PRKG1: variants seen among roughly 807,000 people sequenced by gnomAD.
PRKG1 encodes the protein protein kinase cGMP-dependent 1, also known as cGMP-dependent protein kinase 1.
PRKG1 carries 35 observed loss-of-function variants against 88.1 expected under a neutral mutation model. That is an observed-to-expected ratio of 0.40 (90% CI 0.30 to 0.53). The LOEUF (loss-of-function observed/expected upper bound fraction) is 0.53. Among genes scored for constraint, PRKG1 ranks in the 20% least tolerant of loss-of-function variants. The probability of loss-of-function intolerance (pLI) is 0.59; values close to 1 mark genes in which losing one functional copy is unlikely to be tolerated. For missense variants in PRKG1, 540 were observed against 839.8 expected, an observed-to-expected ratio of 0.64 and a Z score of 4.41; for synonymous variants, 303 against 292.5, an observed-to-expected ratio of 1.04 and a Z score of -0.37.
At chr10:51,001,707 CCCT>C (rs1842891524) in intron 1 of PRKG1, among the ~76,000 whole-genome samples, 1 of 151,970 alleles carries the variant, frequency 6.6e-6, no homozygotes, top group South Asian at 2.1e-4. Context: ...AGTAGAAGTA[CCCT>C]CCTAAATGTA....
intron 3 of PRKG1, among the ~76,000 whole-genome samples, chr10:51,623,586 T>C (rs1839262710): frequency 6.6e-6 from 1 of 152,322 alleles, no homozygotes; most frequent in Non-Finnish European, 1.5e-5. Flanking sequence ...ATGTTACTTT[T>C]CATTTTTTAT....
chr10:51,699,395 T>C (rs1327844341), intron 3 of PRKG1: 1 of 1,614,052 alleles, frequency 6.2e-7, no homozygotes, highest in Non-Finnish European at 8.5e-7. Context: ...TTTTCCCGTC[T>C]CTCTATCGTA....
chr10:52,254,102 G>T (rs1417900485), intron 10 of PRKG1, among the ~76,000 whole-genome samples: 1 of 151,962 alleles, frequency 6.6e-6, no homozygotes, highest in Admixed American at 6.6e-5. Flanking sequence ...ATTCAATGAT[G>T]CTGGAATTGG....
At chr10:51,272,335 C>T (rs1030720724) in intron 2 of PRKG1, among the ~76,000 whole-genome samples, 1 of 147,476 alleles carries the variant, frequency 6.8e-6, no homozygotes, top group East Asian at 2.0e-4. Flanking sequence ...GGGAGGGGAA[C>T]ATCACACACT....
intron 1 of PRKG1, among the ~76,000 whole-genome samples, chr10:51,008,630 T>TCAATTTGGGGCC (rs1186451392): frequency 2.0e-5 from 3 of 152,184 alleles, no homozygotes; most frequent in Non-Finnish European, 4.4e-5. Context: ...TACTAGTCAT[T>TCAATTTGGGGCC]CAATTTGGGG....
intron 2 of PRKG1, among the ~76,000 whole-genome samples, chr10:51,157,459 G>T (rs914198774): frequency 1.3e-5 from 2 of 151,860 alleles, no homozygotes; most frequent in East Asian, 3.9e-4. Flanking sequence ...CCTTAATTAT[G>T]AGGTAGCATG....
intron 1 of PRKG1, among the ~76,000 whole-genome samples, chr10:51,060,663 A>G (rs1440949784): frequency 1.3e-5 from 2 of 152,092 alleles, no homozygotes; most frequent in African/African-American, 4.8e-5. Flanking sequence ...ATTTATATAC[A>G]TTTACCCTCA....
At chr10:51,663,920 AT>A (rs1462637506) in intron 3 of PRKG1, among the ~76,000 whole-genome samples, 3 of 152,074 alleles carry the variant, frequency 2.0e-5, no homozygotes, top group Non-Finnish European at 4.4e-5. Flanking sequence ...AAAATTTAAC[AT>A]TTATGATTCT....
Position 51,895,149 on chromosome 10 carries a change from G to A in PRKG1, c.699-12358G>A, listed in dbSNP as rs111231411. Among the ~76,000 whole-genome samples, 496 of 152,270 alleles carry A rather than the reference G, an allele frequency of 3.3e-3. 1 individual carries two copies. Among genetic ancestry groups the A allele is most frequent in the African/African-American group, 0.011 (474 of 41,550 alleles). On this transcript the variant is annotated intron_variant, in intron 4 of 17. Transcript: ENST00000373980. ...CTTATTGAATGAATGGAGAGGTGTCGAAGAATTGAGTTTCCATGAGAAAAG... is the reference window on the plus strand; with the variant it reads ...CTTATTGAATGAATGGAGAGGTGTCAAAGAATTGAGTTTCCATGAGAAAAG...
At chr10:52,081,531 C>A (rs1846775160) in intron 7 of PRKG1, 1 of 453,180 alleles carries the variant, frequency 2.2e-6, no homozygotes, top group African/African-American at 2.0e-5. Flanking sequence ...AATTCTATAA[C>A]ATATCTTAAT....
At chr10:51,162,035 T>C (rs1846376923) in intron 2 of PRKG1, among the ~76,000 whole-genome samples, 1 of 152,224 alleles carries the variant, frequency 6.6e-6, no homozygotes, top group Non-Finnish European at 1.5e-5. Context: ...CACATAGATA[T>C]ATTTCTTCAG....
At chr10:51,868,652 C>A (rs1396613664) in intron 4 of PRKG1, among the ~76,000 whole-genome samples, 1 of 152,012 alleles carries the variant, frequency 6.6e-6, no homozygotes, top group African/African-American at 2.4e-5. Context: ...CCTAAAGATT[C>A]TTCTTTGTGC....
chr10:51,034,669 TA>T (rs60202094), intron 1 of PRKG1, among the ~76,000 whole-genome samples: 9,460 of 29,118 alleles, frequency 0.32, 966 homozygotes, highest in Non-Finnish European at 0.35. Flanking sequence ...ATATGTTATT[TA>T]TATATATATA....
At chr10:51,440,731 C>A (rs1233683918) in intron 2 of PRKG1, among the ~76,000 whole-genome samples, 4 of 151,818 alleles carry the variant, frequency 2.6e-5, no homozygotes, top group Non-Finnish European at 4.4e-5. Flanking sequence ...GTTTGTCAAT[C>A]CAATGCTTCC....
At chr10:51,203,491 CA>C (rs1299751319) in intron 2 of PRKG1, among the ~76,000 whole-genome samples, 2 of 152,034 alleles carry the variant, frequency 1.3e-5, no homozygotes, top group Non-Finnish European at 2.9e-5. Context: ...GACTAAAAAC[CA>C]AGAGGAAATG....
At chr10:51,184,055 A>T (rs1837420411) in intron 2 of PRKG1, among the ~76,000 whole-genome samples, 2 of 152,114 alleles carry the variant, frequency 1.3e-5, no homozygotes, top group Admixed American at 1.3e-4. Flanking sequence ...CTGTACAAAC[A>T]TTTATTTTTG....
intron 7 of PRKG1, among the ~76,000 whole-genome samples, chr10:52,069,377 A>G (rs1327007568): frequency 2.6e-5 from 4 of 152,112 alleles, no homozygotes. Context: ...CTAAAAATAC[A>G]AAAATTATCC....
At chr10:51,867,413 G>A (rs1167312179) in intron 4 of PRKG1, among the ~76,000 whole-genome samples, 2 of 152,144 alleles carry the variant, frequency 1.3e-5, no homozygotes, top group Non-Finnish European at 2.9e-5. Flanking sequence ...ACAGTGTAGA[G>A]AAGAGATGGA....
chr10:51,761,278 A>G (rs1220166472), intron 3 of PRKG1, among the ~76,000 whole-genome samples: 5 of 152,242 alleles, frequency 3.3e-5, no homozygotes, highest in Admixed American at 2.6e-4. Context: ...CATTACTACT[A>G]GAACTTTAGC....
Sources: gnomAD v4.1 joint callset for allele counts (sites outside exome capture counted in the v4.1 genomes callset) on GRCh38, gnomAD v4.1.1 for gene constraint, MANE v1.5 for transcripts, NCBI Gene and HGNC (gene_info 2026-07-23, HGNC 2026-07-21) for gene names.